The following PRXL2C variants were observed in gnomAD, a reference collection of about 807,000 sequenced individuals.
PRXL2C encodes peroxiredoxin-like 2C.
In PRXL2C, 38 loss-of-function variants were observed where a neutral mutation model predicts 24.9. That is an observed-to-expected ratio of 1.53 (90% CI 1.18 to 2.00). PRXL2C has a LOEUF of 2.00. PRXL2C is among the 30% of genes most tolerant of loss of function. PRXL2C has a pLI of 0.00. For missense variants in PRXL2C, 294 were observed against 290.9 expected, an observed-to-expected ratio of 1.01 and a Z score of -0.08; for synonymous variants, 98 against 117.2, an observed-to-expected ratio of 0.84 and a Z score of 1.06.
Position 96,641,636 on chromosome 9 carries a change from T to C in PRXL2C, c.*123A>G. 1 of 1,025,952 alleles carries C rather than the reference T, an allele frequency of 9.7e-7. No individual in the cohort carries two copies. The highest frequency in any genetic ancestry group is 2.9e-5 in the East Asian group (1 of 34,480). The allele number at this position is 1,025,952 out of a possible 1,614,324, so 63.6% of individuals were successfully genotyped here. A position where few individuals can be genotyped will look rare whatever the true frequency, so the allele number is the denominator to read the frequency against. ...CAACAGGTTCAAGCCCCCTTTATGC[T>C]TCCCTAACTCCTCAAAGGCTGGGAA... is the stretch of plus-strand genomic sequence containing the variant. On this transcript the variant is annotated 3_prime_UTR_variant, in exon 6 of 6. Coordinates refer to ENST00000375234, the MANE Select transcript of PRXL2C (RefSeq NM_153698.2).
intron 4 of PRXL2C, among the ~76,000 whole-genome samples, chr9:96,649,674 T>C (rs1848244552): frequency 6.6e-6 from 1 of 151,926 alleles, no homozygotes; most frequent in South Asian, 2.1e-4. Context: ...TCTTCAAGCC[T>C]TGTCATTTCT....
rs775041368 is a variant in PRXL2C at position 96,654,716 on chromosome 9, T to C, written c.250A>G (p.Ser84Gly). The C allele has an allele frequency of 1.8e-5, 28 of 1,564,282 alleles. No individual in the cohort carries two copies. The highest frequency in any genetic ancestry group is 7.0e-5 in the East Asian group (3 of 42,770). ...GCTGGGAAACTCACTTGTAAGAAACTCCTGGGGATTTTGGCCAGATCCTCT... is the reference window on the plus strand; with the variant it reads ...GCTGGGAAACTCACTTGTAAGAAACCCCTGGGGATTTTGGCCAGATCCTCT... ...YVEDLAKIPR[S>G]FLQEANVTLI... Residue 84 changes from serine to glycine, a missense_variant, in exon 2 of 6, where the codon AGT becomes GGT. By Grantham distance (56) the Ser-to-Gly change is moderately conservative. Coordinates refer to ENST00000375234, the MANE Select transcript of PRXL2C (RefSeq NM_153698.2).
At chr9:96,651,351 A>G in intron 4 of PRXL2C, 39 bp downstream of exon 4, 4 of 1,393,882 alleles carry the variant, frequency 2.9e-6, no homozygotes, top group South Asian at 1.2e-5. Context: ...ATGAACATAC[A>G]CCACCAGTGT....
chr9:96,649,515 G>A (rs1485165980), intron 4 of PRXL2C, among the ~76,000 whole-genome samples: 1 of 134,788 alleles, frequency 7.4e-6, no homozygotes, highest in African/African-American at 3.8e-5. Context: ...AGTGAGCCGA[G>A]ATCACACCAT....
intron 2 of PRXL2C, among the ~76,000 whole-genome samples, chr9:96,653,339 G>A (rs1379139713): frequency 1.3e-5 from 2 of 152,138 alleles, no homozygotes; most frequent in Admixed American, 6.5e-5. Context: ...CATCGTGTAA[G>A]TGAAATAAGC....
At position 96,651,397 on chromosome 9, in the gene PRXL2C, A is replaced by T; in HGVS notation, c.414T>A (p.Ala138=). ...AGACATGTTATGTCTTACCTGAGGA[A>T]GCAATTTCTTCACCTCTTTTCATTC... ...RLGMKRGEEI[A]SSGQSPHIKS... Residue 138 remains alanine, a synonymous_variant, in exon 4 of 6, where the codon GCT becomes GCA. Coordinates refer to ENST00000375234, the MANE Select transcript of PRXL2C (RefSeq NM_153698.2). 3 of 1,608,218 alleles carry T rather than the reference A, an allele frequency of 1.9e-6. No individual in the cohort carries two copies. The highest frequency in any genetic ancestry group is 2.5e-6 in the Non-Finnish European group (3 of 1,176,540).
intron 2 of PRXL2C, among the ~76,000 whole-genome samples, chr9:96,653,253 T>C (rs1428713758): frequency 6.8e-6 from 1 of 147,644 alleles, no homozygotes; most frequent in Non-Finnish European, 1.5e-5. Flanking sequence ...GAAAAGAAAA[T>C]ACGGTATCAC....
In PRXL2C at chr9:96,655,215, C is replaced by G; in HGVS notation, c.67G>C (p.Gly23Arg). The G allele has an allele frequency of 3.4e-6, 4 of 1,163,372 alleles. No individual in the cohort carries two copies. Among genetic ancestry groups the G allele is most frequent in the Non-Finnish European group, 4.2e-6 (4 of 945,496 alleles). 72.1% of individuals were successfully genotyped at this position (1,163,372 alleles called of 1,614,324 possible). The change falls in exon 1 of 6, where the codon GGC becomes CGC. Residue 23 changes from glycine (G) to arginine (R), a missense_variant. Gly to Arg is a moderately radical substitution (Grantham distance 125). Transcript: ENST00000375234. ...GCCAGGGGCTGCCCGCTGTCGGGGC[C>G]GCTCGGGGCCGGGACCAGGGCGGCG... ...GAAALVPAPS[G>R]PDSGQPLAAA...
chr9:96,645,828 T>G, intron 5 of PRXL2C, 65 bp downstream of exon 5: 3 of 1,406,204 alleles, frequency 2.1e-6, no homozygotes, highest in Non-Finnish European at 1.9e-6. Flanking sequence ...GAAAAGAAAA[T>G]GGCGGCCTCT....
chr9:96,649,207 A>C (rs1848235300), intron 4 of PRXL2C, among the ~76,000 whole-genome samples: 1 of 152,132 alleles, frequency 6.6e-6, no homozygotes, highest in Admixed American at 6.5e-5. Context: ...AGAAACAAGC[A>C]GACTCTATGT....
Position 96,655,299 on chromosome 9 carries a change from G to A in PRXL2C, c.-18C>T, listed in dbSNP as rs1394311384. On this transcript the variant is annotated 5_prime_UTR_variant, in exon 1 of 6. Coordinates refer to ENST00000375234, the MANE Select transcript of PRXL2C (RefSeq NM_153698.2). ...GCGGCCATGACGCGGGGCGGCCGAG[G>A]GCCTGGGTCCGCTCTGTCAGCGCGG... is the stretch of plus-strand genomic sequence containing the variant. 2 of 1,044,850 alleles carry A rather than the reference G, an allele frequency of 1.9e-6. No homozygotes were observed. The highest frequency in any genetic ancestry group is 1.1e-6 in the Non-Finnish European group (1 of 869,730). The allele number at this position is 1,044,850 out of a possible 1,614,324, so 64.7% of individuals were successfully genotyped here.
rs1445991386 is a variant in PRXL2C at position 96,640,887 on chromosome 9, T to C, written c.*872A>G. The C allele has an allele frequency of 6.6e-6, 1 of 151,014 alleles. No homozygotes were observed. Among genetic ancestry groups the C allele is most frequent in the Non-Finnish European group, 1.5e-5 (1 of 67,866 alleles). The allele number at this position is 151,014 out of a possible 1,614,324, so 9.4% of individuals were successfully genotyped here. A position where few individuals can be genotyped will look rare whatever the true frequency, so the allele number is the denominator to read the frequency against. Reference sequence around the variant, plus strand: ...TCCCTTTCAAAAAGCACACTGACCATATTTTTAAATACATATCTTAAATAT... The same window carrying C: ...TCCCTTTCAAAAAGCACACTGACCACATTTTTAAATACATATCTTAAATAT... On this transcript the variant is annotated 3_prime_UTR_variant, in exon 6 of 6. Coordinates refer to ENST00000375234, the MANE Select transcript of PRXL2C (RefSeq NM_153698.2).
chr9:96,646,047 T>C (rs1450964214), intron 4 of PRXL2C, 23 bp from the exon 5 acceptor site: 6 of 1,576,260 alleles, frequency 3.8e-6, no homozygotes, highest in Non-Finnish European at 4.3e-6. Flanking sequence ...AAATTGTCTT[T>C]AGATGTCATT....
chr9:96,642,157 T>C (rs1314315776), intron 5 of PRXL2C, among the ~76,000 whole-genome samples: 1 of 152,174 alleles, frequency 6.6e-6, no homozygotes, highest in African/African-American at 2.4e-5. Flanking sequence ...TTAGGTTTTA[T>C]TAAATATAAT....
intron 5 of PRXL2C, among the ~76,000 whole-genome samples, chr9:96,643,814 T>G (rs1156353944): frequency 6.6e-6 from 1 of 152,062 alleles, no homozygotes; most frequent in Non-Finnish European, 1.5e-5. Flanking sequence ...AAAAATCATA[T>G]TACTCAGTCA....
chr9:96,644,366 CTACATCTGTTCAAA>C (rs1473298923), intron 5 of PRXL2C, among the ~76,000 whole-genome samples: 1 of 152,130 alleles, frequency 6.6e-6, no homozygotes, highest in Admixed American at 6.6e-5. Flanking sequence ...TCCACAATCC[CTACATCTGTTCAAA>C]TACATCTGTT....
chr9:96,653,721 T>C (rs1256253012), intron 2 of PRXL2C, among the ~76,000 whole-genome samples: 1 of 152,208 alleles, frequency 6.6e-6, no homozygotes, highest in Non-Finnish European at 1.5e-5. Context: ...TGTCAATTTT[T>C]AAAAAGAGAA....
rs1449621223 is a variant in PRXL2C at position 96,640,803 on chromosome 9, G to A, written c.*956C>T. 1 of 142,386 alleles carries A rather than the reference G, an allele frequency of 7.0e-6. No homozygotes were observed. The highest frequency in any genetic ancestry group is 1.5e-5 in the Non-Finnish European group (1 of 67,188). The allele number at this position is 142,386 out of a possible 1,614,324, so 8.8% of individuals were successfully genotyped here. A position where few individuals can be genotyped will look rare whatever the true frequency, so the allele number is the denominator to read the frequency against. On this transcript the variant is annotated 3_prime_UTR_variant, in exon 6 of 6. Coordinates refer to ENST00000375234, the MANE Select transcript of PRXL2C (RefSeq NM_153698.2). Reference sequence around the variant, plus strand: ...GCCGAGATCATGCCACTGCACTCCAGCCTGGGCAACAGAGTGAGACTCCAT... The same window carrying A: ...GCCGAGATCATGCCACTGCACTCCAACCTGGGCAACAGAGTGAGACTCCAT...
chr9:96,654,382 T>G (rs1848317083), intron 2 of PRXL2C, among the ~76,000 whole-genome samples: 1 of 152,206 alleles, frequency 6.6e-6, no homozygotes, highest in African/African-American at 2.4e-5. Context: ...GAGCAGCTAT[T>G]TGGAGTGTAA....
Sources: gnomAD v4.1 joint callset for allele counts (sites outside exome capture counted in the v4.1 genomes callset) on GRCh38, gnomAD v4.1.1 for gene constraint, MANE v1.5 for transcripts, NCBI Gene and HGNC (gene_info 2026-07-23, HGNC 2026-07-21) for gene names.